PTPRG: variants seen among roughly 807,000 people sequenced by gnomAD.
The protein encoded by PTPRG is receptor-type tyrosine-protein phosphatase gamma.
In PTPRG, 102 loss-of-function variants were observed where a neutral mutation model predicts 165.3. The observed-to-expected ratio is 0.62, with a 90% CI of 0.53 to 0.73. The LOEUF is 0.73. Ranked by LOEUF, PTPRG falls within the 30% of genes least tolerant of loss-of-function variation. The pLI is 0.00. For missense variants in PTPRG, 1,866 were observed against 1,861.4 expected, an observed-to-expected ratio of 1.00 and a Z score of -0.05; for synonymous variants, 675 against 669.5, an observed-to-expected ratio of 1.01 and a Z score of -0.13.
chr3:61,792,765 G>A (rs932776825), intron 2 of PTPRG, among the ~76,000 whole-genome samples: 7 of 148,268 alleles, frequency 4.7e-5, no homozygotes, highest in African/African-American at 1.3e-4. Context: ...AGTCTCGCTC[G>A]ATTGCCAGGC....
intron 12 of PTPRG, among the ~76,000 whole-genome samples, chr3:62,215,884 C>T (rs1700489916): frequency 6.6e-6 from 1 of 152,164 alleles, no homozygotes; most frequent in Admixed American, 6.5e-5. Context: ...CTTCCCAAGG[C>T]CGAGAAATTC....
At chr3:61,897,800 C>G (rs1165423138) in intron 2 of PTPRG, among the ~76,000 whole-genome samples, 1 of 152,052 alleles carries the variant, frequency 6.6e-6, no homozygotes, top group Non-Finnish European at 1.5e-5. Context: ...TTTGTGTATA[C>G]CTACATATTT....
At chr3:61,995,084 C>CTTTTTTTTTTTTTTTTTTTTTTTTTTCT (rs761499179) in intron 3 of PTPRG, among the ~76,000 whole-genome samples, 1 of 35,396 alleles carries the variant, frequency 2.8e-5, no homozygotes, top group Non-Finnish European at 6.2e-5. Context: ...TTCTTTCTTT[C>CTTTTTTTTTTTTTTTTTTTTTTTTTTCT]TTTTTTTTTT....
intron 2 of PTPRG, among the ~76,000 whole-genome samples, chr3:61,943,742 A>G (rs1032625283): frequency 3.9e-5 from 6 of 152,196 alleles, no homozygotes; most frequent in African/African-American, 9.7e-5. Flanking sequence ...GGGTACGTCA[A>G]AATTTCTTAT....
intron 14 of PTPRG, among the ~76,000 whole-genome samples, chr3:62,241,838 TC>T (rs1004455168): frequency 6.6e-6 from 1 of 152,170 alleles, no homozygotes; most frequent in Non-Finnish European, 1.5e-5. Context: ...GTAAATTGCA[TC>T]CCATTCATCT....
chr3:61,922,943 A>C (rs867070481), intron 2 of PTPRG, among the ~76,000 whole-genome samples: 2 of 152,140 alleles, frequency 1.3e-5, no homozygotes, highest in Non-Finnish European at 2.9e-5. Context: ...ACCCCACCCA[A>C]ATTAACCTCT....
At chr3:62,061,579 A>T (rs888453805) in intron 4 of PTPRG, among the ~76,000 whole-genome samples, 3 of 152,002 alleles carry the variant, frequency 2.0e-5, no homozygotes, top group Non-Finnish European at 2.9e-5. Flanking sequence ...CCCCTTTGCT[A>T]ACTAGCAGCA....
chr3:62,191,684 A>C (rs763289716), intron 9 of PTPRG, 31 bp downstream of exon 9: 5 of 1,600,340 alleles, frequency 3.1e-6, no homozygotes, highest in Non-Finnish European at 4.3e-6. Flanking sequence ...TTCAGGGTAC[A>C]TGCTGCAGAG....
intron 2 of PTPRG, among the ~76,000 whole-genome samples, chr3:61,904,312 T>G (rs2038585972): frequency 6.6e-6 from 1 of 152,136 alleles, no homozygotes; most frequent in Non-Finnish European, 1.5e-5. Context: ...TGTGAAAGTC[T>G]GAAAAAATTT....
intron 2 of PTPRG, among the ~76,000 whole-genome samples, chr3:61,810,126 C>A (rs1250379153): frequency 6.6e-6 from 1 of 152,120 alleles, no homozygotes; most frequent in Non-Finnish European, 1.5e-5. Context: ...CAACTGTGAG[C>A]ATAATAGCAT....
In PTPRG at chr3:62,271,793, C is replaced by A. The variant is rs1297649473; in HGVS notation, c.3182+238C>A. 6.6e-6 allele frequency among the ~76,000 whole-genome samples: 1 copy of A among 152,054 alleles called. No individual in the cohort carries two copies. Among genetic ancestry groups the A allele is most frequent in the African/African-American group, 2.4e-5 (1 of 41,404 alleles). On this transcript the variant is annotated intron_variant, in intron 21 of 29. Coordinates refer to ENST00000474889, the MANE Select transcript of PTPRG (RefSeq NM_002841.4). This position sits in a 1 kb window ranked among gnomAD's most constrained non-coding sequence, Gnocchi z 4.1. The stretch of plus-strand genomic sequence containing the variant: ...CAATCCCTAGTTTTTATAAAATCTT[C>A]TTATTAATAATATCAGCCAGGCATG...
intron 12 of PTPRG, among the ~76,000 whole-genome samples, chr3:62,218,040 A>G (rs1700554081): frequency 6.6e-6 from 1 of 152,108 alleles, no homozygotes; most frequent in Admixed American, 6.5e-5. Flanking sequence ...GGGGTAGGTG[A>G]TAGGATCAAA....
intron 4 of PTPRG, among the ~76,000 whole-genome samples, chr3:62,039,332 T>A (rs1700054522): frequency 6.6e-6 from 1 of 151,888 alleles, no homozygotes; most frequent in Non-Finnish European, 1.5e-5. Flanking sequence ...CAACTTAAGT[T>A]AAAAAAAATT....
intron 2 of PTPRG, among the ~76,000 whole-genome samples, chr3:61,958,632 CTTACA>C (rs1169414635): frequency 6.6e-6 from 1 of 152,158 alleles, no homozygotes; most frequent in Admixed American, 6.5e-5. Flanking sequence ...ATGAATCTGC[CTTACA>C]TAAGTTCTCT....
At position 62,214,658 on chromosome 3, in the gene PTPRG, A is replaced by G. The variant is rs1420103280; in HGVS notation, c.2156-4193A>G. ...ATGTGTGCAGTAAGAGCAACACAAG[A>G]TGATGATAGTGGTGGTGGTACTTGT... is the stretch of plus-strand genomic sequence containing the variant. On this transcript the variant is annotated intron_variant, in intron 12 of 29. Transcript: ENST00000474889. The surrounding 1 kb of genome is among the most constrained non-coding windows in gnomAD (Gnocchi z 5.2). Among the ~76,000 whole-genome samples, 2 of 152,180 alleles carry G rather than the reference A, an allele frequency of 1.3e-5. No homozygotes were observed. Among genetic ancestry groups the G allele is most frequent in the East Asian group, 1.9e-4 (1 of 5,192 alleles).
Position 62,273,232 on chromosome 3 carries a change from C to T in PTPRG, c.3318+151C>T. 1.1e-6 allele frequency: 1 copy of T among 911,952 alleles called. No homozygotes were observed. Among genetic ancestry groups the T allele is most frequent in the Non-Finnish European group, 1.6e-6 (1 of 631,906 alleles). 56.5% of individuals were successfully genotyped at this position (911,952 alleles called of 1,614,324 possible). ...AAGATATTCTGACAATGATCCTATTCTACGGATCACAGTTTTCCATTTCTG... is the reference window on the plus strand; with the variant it reads ...AAGATATTCTGACAATGATCCTATTTTACGGATCACAGTTTTCCATTTCTG... On this transcript the variant is annotated intron_variant, in intron 22 of 29. Coordinates refer to ENST00000474889, the MANE Select transcript of PTPRG (RefSeq NM_002841.4). The surrounding 1 kb of genome is among the most constrained non-coding windows in gnomAD (Gnocchi z 4.1).
At chr3:62,110,131 C>T (rs1233096773) in intron 5 of PTPRG, among the ~76,000 whole-genome samples, 1 of 116,962 alleles carries the variant, frequency 8.5e-6, no homozygotes, top group Non-Finnish European at 1.7e-5. Flanking sequence ...TTTTCCTGTA[C>T]CCCTTAGAGA....
chr3:61,625,458 T>C (rs1701582167), intron 1 of PTPRG, among the ~76,000 whole-genome samples: 1 of 152,216 alleles, frequency 6.6e-6, no homozygotes, highest in South Asian at 2.1e-4. Context: ...ATCTAAGGGC[T>C]TGTAATGGGG....
intron 8 of PTPRG, among the ~76,000 whole-genome samples, chr3:62,188,145 G>A (rs569731193): frequency 6.6e-6 from 1 of 152,322 alleles, no homozygotes; most frequent in East Asian, 1.9e-4. Context: ...AGGCCAAACA[G>A]GGAGGATCAC....
Sources: gnomAD v4.1 joint callset for allele counts (sites outside exome capture counted in the v4.1 genomes callset) on GRCh38, gnomAD v4.1.1 for gene constraint, Gnocchi (gnomAD v3.1) non-coding constraint, MANE v1.5 for transcripts, NCBI Gene and HGNC (gene_info 2026-07-23, HGNC 2026-07-21) for gene names.